Variants in PRKCE observed in about 807,000 individuals in gnomAD.
PRKCE encodes the protein protein kinase C epsilon type.
PRKCE carries 16 observed loss-of-function variants against 85.4 expected under a neutral mutation model. That is an observed-to-expected ratio of 0.19 (90% confidence interval 0.13 to 0.28). The LOEUF is 0.28. PRKCE is among the 10% of genes least tolerant of loss of function. The pLI, the probability that PRKCE is intolerant of heterozygous loss-of-function variation, is 1.00. For synonymous variants in PRKCE, 388 were observed against 371.5 expected, an observed-to-expected ratio of 1.04 and a Z score of -0.51; for missense variants, 573 against 975.2, an observed-to-expected ratio of 0.59 and a Z score of 5.49.
At chr2:45,803,767 T>C (rs1290376137) in intron 1 of PRKCE, among the ~76,000 whole-genome samples, 1 of 152,232 alleles carries the variant, frequency 6.6e-6, no homozygotes, top group Non-Finnish European at 1.5e-5. Flanking sequence ...GTTTCTGAAA[T>C]GTTTTAATAA....
At chr2:46,079,400 G>A (rs1368376176) in intron 10 of PRKCE, among the ~76,000 whole-genome samples, 1 of 152,088 alleles carries the variant, frequency 6.6e-6, no homozygotes, top group Non-Finnish European at 1.5e-5. Flanking sequence ...TCAGTTTCTA[G>A]CTCTTGAAAA....
At chr2:45,825,323 G>T (rs907106791) in intron 1 of PRKCE, among the ~76,000 whole-genome samples, 2 of 152,332 alleles carry the variant, frequency 1.3e-5, no homozygotes, top group East Asian at 1.9e-4. Context: ...ACTTGGGGGG[G>T]CCCTGCTGCA....
rs1413488542 is a variant in PRKCE, at chr2:46,155,998, A to C, written c.1921-3608A>C. On this transcript the variant is annotated intron_variant, in intron 13 of 14. Coordinates refer to ENST00000306156, the MANE Select transcript of PRKCE (RefSeq NM_005400.3). This position sits in a 1 kb window ranked among gnomAD's most constrained non-coding sequence, Gnocchi z 4.7. ...TGTGCACATGTACCCTAAAACTTAAAGTATATAAAAAAAAAAAAAACTTCA... is the reference window on the plus strand; with the variant it reads ...TGTGCACATGTACCCTAAAACTTAACGTATATAAAAAAAAAAAAAACTTCA... Among the ~76,000 whole-genome samples the C allele has an allele frequency of 6.7e-6, 1 of 149,634 alleles. No homozygotes were observed. The highest frequency in any genetic ancestry group is 2.5e-5 in the African/African-American group (1 of 39,516).
chr2:45,822,868 C>G (rs1573496563), intron 1 of PRKCE, among the ~76,000 whole-genome samples: 1 of 152,198 alleles, frequency 6.6e-6, no homozygotes, highest in Admixed American at 6.5e-5. Flanking sequence ...ATGCAAAACT[C>G]TCATTAGTAA....
intron 14 of PRKCE, among the ~76,000 whole-genome samples, chr2:46,179,244 G>C (rs796493238): frequency 3.9e-5 from 6 of 152,312 alleles, no homozygotes; most frequent in African/African-American, 1.4e-4. Flanking sequence ...AGCAGACACT[G>C]CTGGCTCCTC....
At chr2:46,125,468 G>T (rs1421439507) in intron 11 of PRKCE, among the ~76,000 whole-genome samples, 9 of 152,216 alleles carry the variant, frequency 5.9e-5, no homozygotes. Flanking sequence ...ATTTTCTCAA[G>T]TCGGTATATT....
intron 1 of PRKCE, among the ~76,000 whole-genome samples, chr2:45,815,935 G>A (rs1472247872): frequency 6.6e-6 from 1 of 152,196 alleles, no homozygotes; most frequent in African/African-American, 2.4e-5. Flanking sequence ...CCAGCCCTGG[G>A]CTGAAGAGTG....
chr2:45,972,271 A>G (rs1702160451), intron 2 of PRKCE, among the ~76,000 whole-genome samples: 1 of 152,208 alleles, frequency 6.6e-6, no homozygotes, highest in African/African-American at 2.4e-5. Flanking sequence ...ATGTCTTTAG[A>G]GAAAAGTCTA....
chr2:45,855,220 G>C (rs978941436), intron 2 of PRKCE, among the ~76,000 whole-genome samples: 3 of 152,168 alleles, frequency 2.0e-5, no homozygotes, highest in African/African-American at 7.2e-5. Context: ...ACAAGTGGAG[G>C]CTGATAAGGC....
At chr2:46,051,783 TAAAGA>T (rs1015652191) in intron 10 of PRKCE, among the ~76,000 whole-genome samples, 7 of 152,196 alleles carry the variant, frequency 4.6e-5, no homozygotes, top group Admixed American at 3.9e-4. Flanking sequence ...GGGTAATTTA[TAAAGA>T]AAAGAGGTTT....
At chr2:45,883,397 G>C (rs78618599) in intron 2 of PRKCE, among the ~76,000 whole-genome samples, 20,723 of 152,256 alleles carry the variant, frequency 0.14, 1,642 homozygotes, top group Non-Finnish European at 0.19. Context: ...TATAGCCCCT[G>C]CTGCTGGCTC....
chr2:45,703,731 C>A (rs1678877741), intron 1 of PRKCE, among the ~76,000 whole-genome samples: 1 of 151,998 alleles, frequency 6.6e-6, no homozygotes, highest in African/African-American at 2.4e-5. Context: ...TGTGAAGGTT[C>A]TTTCCTAGAA....
chr2:45,843,879 AG>A (rs1161901373), intron 2 of PRKCE, among the ~76,000 whole-genome samples: 1 of 152,210 alleles, frequency 6.6e-6, no homozygotes, highest in African/African-American at 2.4e-5. Context: ...ATGCCATGGC[AG>A]GGATATTGGA....
chr2:45,980,451 G>C (rs895216374), intron 5 of PRKCE, 70 bp downstream of exon 5: 2 of 1,434,704 alleles, frequency 1.4e-6, no homozygotes, highest in African/African-American at 2.8e-5. Flanking sequence ...CCTCTTCTGT[G>C]GTTCCCAAGA....
intron 1 of PRKCE, among the ~76,000 whole-genome samples, chr2:45,808,706 ATTG>A (rs1443503482): frequency 6.6e-6 from 1 of 152,074 alleles, no homozygotes; most frequent in Non-Finnish European, 1.5e-5. Flanking sequence ...GGCTGCTGAG[ATTG>A]TTTTGTTCTA....
Position 45,772,137 on chromosome 2 carries a change from A to G in PRKCE, c.349-70863A>G, listed in dbSNP as rs536811954. Among the ~76,000 whole-genome samples, 17 of 152,262 alleles carry G rather than the reference A, an allele frequency of 1.1e-4. No individual in the cohort carries two copies. In the South Asian group the frequency reaches 3.3e-3, roughly 30 times the overall value. On this transcript the variant is annotated intron_variant, in intron 1 of 14. Coordinates refer to ENST00000306156, the MANE Select transcript of PRKCE (RefSeq NM_005400.3). ...AGTAGGTAGTCCGAGTGCAGCCAGAATTAGCACCCAGACATGCTGGTGCCT... is the reference window on the plus strand; with the variant it reads ...AGTAGGTAGTCCGAGTGCAGCCAGAGTTAGCACCCAGACATGCTGGTGCCT...
In PRKCE at chr2:46,101,115, C is replaced by T. The variant is rs556193714; in HGVS notation, c.1592+14753C>T. Among the ~76,000 whole-genome samples the T allele has an allele frequency of 4.6e-5, 7 of 152,254 alleles. No individual in the cohort carries two copies. In the South Asian group the frequency reaches 1.0e-3, roughly 23 times the overall value. On this transcript the variant is annotated intron_variant, in intron 11 of 14. Transcript: ENST00000306156. ...AACTCCTGACCTCGAGTGATCTGTC[C>T]GCCTTGGCCTCCCGAAGTCTGGGAT...
In PRKCE at chr2:46,086,947, C is replaced by A. The variant is rs72806770; in HGVS notation, c.1592+585C>A. On this transcript the variant is annotated intron_variant, in intron 11 of 14. Coordinates refer to ENST00000306156, the MANE Select transcript of PRKCE (RefSeq NM_005400.3). ...ACTCCCCTTCCAAGAAACACACGCA[C>A]GTCCACACACACATGCACGCGCACA... Among the ~76,000 whole-genome samples, 378 of 152,250 alleles carry A rather than the reference C, an allele frequency of 2.5e-3. 3 individuals carry two copies. Among genetic ancestry groups the A allele is most frequent in the Non-Finnish European group, 4.0e-3 (275 of 68,010 alleles).
intron 2 of PRKCE, among the ~76,000 whole-genome samples, chr2:45,970,509 TACATAAA>T (rs1178682405): frequency 1.2e-4 from 19 of 152,168 alleles, no homozygotes; most frequent in African/African-American, 3.6e-4. Flanking sequence ...TCCTGGATGC[TACATAAA>T]TGTATCATTA....
Sources: gnomAD v4.1 joint callset for allele counts (sites outside exome capture counted in the v4.1 genomes callset) on GRCh38, gnomAD v4.1.1 for gene constraint, Gnocchi (gnomAD v3.1) non-coding constraint, MANE v1.5 for transcripts, NCBI Gene and HGNC (gene_info 2026-07-23, HGNC 2026-07-21) for gene names.